The following CNGB3 variants were observed in gnomAD, a reference collection of about 807,000 sequenced individuals.
CNGB3 encodes the protein cyclic nucleotide gated channel subunit beta 3.
CNGB3 carries 86 observed loss-of-function variants against 92.8 expected under a neutral mutation model. That is an observed-to-expected ratio of 0.93 (90% CI 0.78 to 1.11). The LOEUF (loss-of-function observed/expected upper bound fraction) is 1.11. Among genes scored for constraint, CNGB3 ranks in the 50% least tolerant of loss-of-function variants. The probability of loss-of-function intolerance (pLI) is 0.00; values close to 1 mark genes in which losing one functional copy is unlikely to be tolerated. For synonymous variants in CNGB3, 333 were observed against 332.7 expected (o/e 1.00, Z -0.01); for missense variants, 1,026 against 956.8 (o/e 1.07, Z -0.95).
intron 6 of CNGB3, among the ~76,000 whole-genome samples, chr8:86,665,949 C>T (rs1823733377): frequency 6.6e-6 from 1 of 152,136 alleles, no homozygotes; most frequent in African/African-American, 2.4e-5. Context: ...TAGGTTTTCC[C>T]AAAGTGTCCA....
intron 3 of CNGB3, among the ~76,000 whole-genome samples, chr8:86,713,921 CAT>C (rs1293193360): frequency 2.0e-5 from 3 of 152,130 alleles, no homozygotes; most frequent in African/African-American, 7.2e-5. Flanking sequence ...ACAGATTTCT[CAT>C]ATACCTTTGA....
intron 6 of CNGB3, chr8:86,661,632 T>C: frequency 1.2e-6 from 1 of 826,262 alleles, no homozygotes; most frequent in Non-Finnish European, 2.1e-6. Flanking sequence ...TCTTTCTTCA[T>C]CTTACAGTGA....
intron 3 of CNGB3, among the ~76,000 whole-genome samples, chr8:86,689,430 T>C (rs2131635300): frequency 6.6e-6 from 1 of 151,864 alleles, no homozygotes; most frequent in East Asian, 1.9e-4. Flanking sequence ...TTAACTCTAA[T>C]AGTATTTGCT....
At chr8:86,598,792 A>T (rs2131554201) in intron 15 of CNGB3, among the ~76,000 whole-genome samples, 1 of 152,310 alleles carries the variant, frequency 6.6e-6, no homozygotes, top group Non-Finnish European at 1.5e-5. Flanking sequence ...CCTCTTTGTC[A>T]TTGGACTTGG....
intron 3 of CNGB3, among the ~76,000 whole-genome samples, chr8:86,717,490 G>T (rs188977340): frequency 3.3e-5 from 5 of 151,422 alleles, no homozygotes; most frequent in Non-Finnish European, 7.4e-5. Context: ...TTGAACCCAG[G>T]GGGTGGAGGT....
Position 86,718,445 on chromosome 8 carries a change from A to G in CNGB3, c.338+8086T>C, listed in dbSNP as rs184243565. 7.2e-5 allele frequency among the ~76,000 whole-genome samples: 11 copies of G among 152,292 alleles called. No homozygotes were observed. In the East Asian group the frequency reaches 2.1e-3, roughly 29 times the overall value. ...AAGATGGATAAATTCCTGGAAATATACAACCCTCCTAGATTAAACCAGGAA... is the reference window on the plus strand; with the variant it reads ...AAGATGGATAAATTCCTGGAAATATGCAACCCTCCTAGATTAAACCAGGAA... On this transcript the variant is annotated intron_variant, in intron 3 of 17. Transcript: ENST00000320005.
At chr8:86,735,450 C>T (rs1238235188) in intron 2 of CNGB3, among the ~76,000 whole-genome samples, 1 of 152,164 alleles carries the variant, frequency 6.6e-6, no homozygotes, top group Non-Finnish European at 1.5e-5. Flanking sequence ...TCACCATAAA[C>T]TTAATGGCTT....
Position 86,677,675 on chromosome 8 carries a change from G to A in CNGB3, c.339-6577C>T, listed in dbSNP as rs1191617637. On this transcript the variant is annotated intron_variant, in intron 3 of 17. Coordinates refer to ENST00000320005, the MANE Select transcript of CNGB3 (RefSeq NM_019098.5). ...AGAGACAGATCTAAAAGAGAAAAAT[G>A]CCACAAAAAATCAGGGAAGGTAAGA... Among the ~76,000 whole-genome samples the A allele has an allele frequency of 3.3e-5, 5 of 152,130 alleles. No individual in the cohort carries two copies. The East Asian group carries it at 9.6e-4, about 29-fold the overall frequency.
At chr8:86,609,494 A>T (rs1053941018) in intron 14 of CNGB3, among the ~76,000 whole-genome samples, 1 of 152,146 alleles carries the variant, frequency 6.6e-6, no homozygotes, top group Non-Finnish European at 1.5e-5. Flanking sequence ...GCTCATTCTC[A>T]GTTGCTCTCT....
At chr8:86,675,151 A>C (rs1823941601) in intron 3 of CNGB3, among the ~76,000 whole-genome samples, 1 of 152,024 alleles carries the variant, frequency 6.6e-6, no homozygotes, top group Non-Finnish European at 1.5e-5. Flanking sequence ...AATTAGACAC[A>C]GGGTTTCATC....
intron 6 of CNGB3, among the ~76,000 whole-genome samples, chr8:86,664,674 C>T (rs116619364): frequency 0.017 from 2,618 of 152,248 alleles, 73 homozygotes; most frequent in African/African-American, 0.061. Flanking sequence ...GGTAAGAATG[C>T]TAATTTCTTA....
chr8:86,669,379 T>C (rs893983488), intron 4 of CNGB3, among the ~76,000 whole-genome samples: 3 of 152,182 alleles, frequency 2.0e-5, no homozygotes, highest in African/African-American at 7.2e-5. Flanking sequence ...CACTGAAATT[T>C]GGAAATATGT....
intron 15 of CNGB3, among the ~76,000 whole-genome samples, chr8:86,591,012 C>T (rs1277011278): frequency 2.0e-5 from 3 of 152,162 alleles, no homozygotes; most frequent in Non-Finnish European, 4.4e-5. Flanking sequence ...CACATAGTCC[C>T]ATATTTCTTC....
chr8:86,606,706 A>C (rs1822417617), intron 14 of CNGB3, among the ~76,000 whole-genome samples: 1 of 152,226 alleles, frequency 6.6e-6, no homozygotes, highest in African/African-American at 2.4e-5. Flanking sequence ...TAATTCTTGC[A>C]AAAATCCGAG....
chr8:86,586,004 C>A (rs1821881850), intron 15 of CNGB3, among the ~76,000 whole-genome samples: 1 of 152,114 alleles, frequency 6.6e-6, no homozygotes, highest in Non-Finnish European at 1.5e-5. Flanking sequence ...TTGTCTTTCT[C>A]AGAGAGGCTT....
chr8:86,589,382 T>A (rs1043043130), intron 15 of CNGB3, among the ~76,000 whole-genome samples: 2 of 149,870 alleles, frequency 1.3e-5, no homozygotes, highest in African/African-American at 5.0e-5. Context: ...TTCTGCTAGC[T>A]TTTGAATGTG....
intron 13 of CNGB3, among the ~76,000 whole-genome samples, chr8:86,622,178 A>G (rs534315391): frequency 6.6e-6 from 1 of 152,310 alleles, no homozygotes; most frequent in African/African-American, 2.4e-5. Flanking sequence ...ATACATCAAT[A>G]TGTAGTAGAG....
chr8:86,700,650 A>T (rs897430075), intron 3 of CNGB3, among the ~76,000 whole-genome samples: 3 of 152,064 alleles, frequency 2.0e-5, no homozygotes, highest in African/African-American at 7.2e-5. Flanking sequence ...TTTATTTTTT[A>T]TTTTTTGAGA....
At chr8:86,631,507 C>T (rs1389910617) in intron 11 of CNGB3, among the ~76,000 whole-genome samples, 3 of 151,980 alleles carry the variant, frequency 2.0e-5, no homozygotes, top group Non-Finnish European at 4.4e-5. Flanking sequence ...TTTTCTCATT[C>T]GTAAAACAGA....
Sources: gnomAD v4.1 joint callset for allele counts (sites outside exome capture counted in the v4.1 genomes callset) on GRCh38, gnomAD v4.1.1 for gene constraint, MANE v1.5 for transcripts, NCBI Gene and HGNC (gene_info 2026-07-23, HGNC 2026-07-21) for gene names.